SELP: variants seen among roughly 807,000 people sequenced by gnomAD.
The protein encoded by SELP is P-selectin.
A neutral mutation model predicts 104.1 loss-of-function variants in SELP; 92 were observed. The ratio of observed to expected loss-of-function variants is 0.88; its 90% CI spans 0.75 to 1.05. The LOEUF is 1.05. SELP is among the 50% of genes least tolerant of loss of function. SELP has a pLI of 0.00. For synonymous variants in SELP, 397 were observed against 364.5 expected, an observed-to-expected ratio of 1.09 and a Z score of -1.01; for missense variants, 1,022 against 1,017.3, an observed-to-expected ratio of 1.00 and a Z score of -0.06.
Position 169,629,428 on chromosome 1 carries a change from C to G in SELP, c.3+644G>C, listed in dbSNP as rs566983537. 2.0e-5 allele frequency among the ~76,000 whole-genome samples: 3 copies of G among 152,288 alleles called. No individual in the cohort carries two copies. In the East Asian group the frequency reaches 5.8e-4, roughly 29 times the overall value. On this transcript the variant is annotated intron_variant, in intron 1 of 16. Coordinates refer to ENST00000263686, the MANE Select transcript of SELP (RefSeq NM_003005.4). ...GCTTTTCAGCAAAATCTTATTTAAT[C>G]CTCATGATGAAACTATAGAGTATTA... is the stretch of plus-strand genomic sequence containing the variant.
intron 15 of SELP, 107 bp downstream of exon 15, chr1:169,591,319 A>G: frequency 1.5e-6 from 1 of 663,136 alleles, no homozygotes; most frequent in South Asian, 2.0e-5. Context: ...TGCAAAAGAC[A>G]TTGTAAAAAG....
At chr1:169,618,600 T>C (rs997442693) in intron 2 of SELP, among the ~76,000 whole-genome samples, 1 of 152,226 alleles carries the variant, frequency 6.6e-6, no homozygotes, top group Non-Finnish European at 1.5e-5. Flanking sequence ...CTCTGCTGCC[T>C]GCATGAGGGT....
Position 169,617,368 on chromosome 1 carries a change from G to A in SELP, c.141C>T (p.Ser47=). ...KEVAAWTYHY[S]TKAYSWNISR... is the part of the protein sequence containing the mutation. ...AAATATTCCATGAGTATGCTTTTGTGCTGTAATGATAAGTCCATGCTGCCA... is the reference window on the plus strand; with the variant it reads ...AAATATTCCATGAGTATGCTTTTGTACTGTAATGATAAGTCCATGCTGCCA... The change falls in exon 3 of 17, where the codon AGC becomes AGT. Residue 47 remains serine (S), a synonymous_variant. Transcript: ENST00000263686. 11 of 1,614,058 alleles carry A rather than the reference G, an allele frequency of 6.8e-6. No individual in the cohort carries two copies. The highest frequency in any genetic ancestry group is 1.3e-5 in the African/African-American group (1 of 75,018).
At chr1:169,629,967 T>A (rs1240084390) in intron 1 of SELP, 105 bp downstream of exon 1, 1 of 1,429,924 alleles carries the variant, frequency 7.0e-7, no homozygotes, top group African/African-American at 1.4e-5. Flanking sequence ...TAAAACTCCA[T>A]GGCTATCGCT....
intron 13 of SELP, among the ~76,000 whole-genome samples, chr1:169,594,288 A>G (rs1415539130): frequency 6.6e-6 from 1 of 152,220 alleles, no homozygotes; most frequent in Non-Finnish European, 1.5e-5. Context: ...CCTTGCAAAC[A>G]GATGGAATTT....
intron 1 of SELP, among the ~76,000 whole-genome samples, chr1:169,627,032 G>A (rs1663405322): frequency 6.6e-6 from 1 of 151,948 alleles, no homozygotes; most frequent in Non-Finnish European, 1.5e-5. Context: ...CACTGCAAAA[G>A]AAGAGGCTAT....
rs187981961 is a variant in SELP, at chr1:169,619,341, T to C, written c.4-122A>G. ...GTGCCAATTTCCACTGGAAGAGTGG[T>C]TCAAGCCCTCTGCTTCCTTCTTGCT... is the stretch of plus-strand genomic sequence containing the variant. On this transcript the variant is annotated intron_variant, in intron 1 of 16. Transcript: ENST00000263686. The C allele has an allele frequency of 2.7e-5, 19 of 709,590 alleles. No homozygotes were observed. The Admixed American group carries it at 4.7e-4, about 18-fold the overall frequency. 44.0% of individuals were successfully genotyped at this position (709,590 alleles called of 1,614,324 possible). A position where few individuals can be genotyped will look rare whatever the true frequency, so the allele number is the denominator to read the frequency against.
chr1:169,597,076 A>G lies in SELP; in HGVS notation c.1806T>C (p.Cys602=), dbSNP rs1661662368. 1.9e-6 allele frequency: 3 copies of G among 1,613,360 alleles called. No individual in the cohort carries two copies. Among genetic ancestry groups the G allele is most frequent in the Non-Finnish European group, 2.5e-6 (3 of 1,179,620 alleles). ...GCCCCTCCAGCTTAAAGCCGTTGTCACAAGAGAAATGGCAGGTGGAGCCAA... is the reference window on the plus strand; with the variant it reads ...GCCCCTCCAGCTTAAAGCCGTTGTCGCAAGAGAAATGGCAGGTGGAGCCAA... The part of the protein sequence containing the change: ...FNVGSTCHFS[C]DNGFKLEGPN... Residue 602 remains cysteine, a synonymous_variant, in exon 11 of 17, where the codon TGT becomes TGC. Transcript: ENST00000263686.
intron 1 of SELP, among the ~76,000 whole-genome samples, chr1:169,619,838 G>A (rs1430931104): frequency 6.6e-6 from 1 of 151,956 alleles, no homozygotes; most frequent in Admixed American, 6.6e-5. Context: ...GTTCCCCTTG[G>A]ATCTATAGCA....
chr1:169,601,410 C>T (rs1474694965), intron 10 of SELP, among the ~76,000 whole-genome samples: 2 of 152,182 alleles, frequency 1.3e-5, no homozygotes, highest in Non-Finnish European at 2.9e-5. Flanking sequence ...CCTAATGGCA[C>T]ATGACTTGGA....
rs1054206106 is a variant in SELP at position 169,590,311 on chromosome 1, T to C, written c.2439-109A>G. 6 of 798,502 alleles carry C rather than the reference T, an allele frequency of 7.5e-6. No homozygotes were observed. In the Admixed American group the frequency reaches 1.3e-4, roughly 18 times the overall value. 49.5% of individuals were successfully genotyped at this position (798,502 alleles called of 1,614,324 possible). A position where few individuals can be genotyped will look rare whatever the true frequency, so the allele number is the denominator to read the frequency against. ...CACAAATTACCATCCACCCTTGGAA[T>C]TCTGCTTTAGAAAGGAAAGAAAAAT... On this transcript the variant is annotated intron_variant, in intron 15 of 16. Coordinates refer to ENST00000263686, the MANE Select transcript of SELP (RefSeq NM_003005.4).
rs1038451887 is a variant in SELP, at chr1:169,588,869, T to A, written c.*594A>T. 1 of 152,234 alleles carries A rather than the reference T, an allele frequency of 6.6e-6. No homozygotes were observed. The highest frequency in any genetic ancestry group is 3.2e-3 in the Middle Eastern group (1 of 316). 9.4% of individuals were successfully genotyped at this position (152,234 alleles called of 1,614,324 possible). ...CGGCATTTGGGGAAAATTCTTTTAA[T>A]TACGCATTTGAATATTGGTCTTTGG... On this transcript the variant is annotated 3_prime_UTR_variant, in exon 17 of 17. Transcript: ENST00000263686.
At chr1:169,605,046 T>C (rs1425498422) in intron 9 of SELP, among the ~76,000 whole-genome samples, 1 of 152,172 alleles carries the variant, frequency 6.6e-6, no homozygotes, top group East Asian at 1.9e-4. Flanking sequence ...AACTGGAAGG[T>C]CACAGGAAGC....
chr1:169,620,795 T>TG (rs1663061658), intron 1 of SELP, among the ~76,000 whole-genome samples: 1 of 110,832 alleles, frequency 9.0e-6, no homozygotes, highest in African/African-American at 3.7e-5. Flanking sequence ...CGGTGTGGGG[T>TG]TGTGTGTGTG....
chr1:169,624,275 A>G (rs1045324264), intron 1 of SELP, among the ~76,000 whole-genome samples: 10 of 152,160 alleles, frequency 6.6e-5, no homozygotes, highest in African/African-American at 2.4e-4. Context: ...CAAGTTAAAT[A>G]CTAAAACAAG....
At chr1:169,610,913 A>T (rs1263466103) in intron 7 of SELP, among the ~76,000 whole-genome samples, 1 of 152,224 alleles carries the variant, frequency 6.6e-6, no homozygotes, top group East Asian at 1.9e-4. Flanking sequence ...CTAAAGTCTC[A>T]TAGCTAGATA....
At position 169,597,194 on chromosome 1, in the gene SELP, G is replaced by A. The variant is rs1191970448; in HGVS notation, c.1706-18C>T. 1 of 1,558,268 alleles carries A rather than the reference G, an allele frequency of 6.4e-7. No individual in the cohort carries two copies. The highest frequency in any genetic ancestry group is 1.9e-5 in the Admixed American group (1 of 53,376). On this transcript the variant is annotated intron_variant, in intron 10 of 16. Transcript: ENST00000263686. ...CTTGATGGCTAGAGTATCAAATTAA[G>A]AGTGTCACAATCTCCAAGTTTATTC...
At chr1:169,606,542 C>A (rs1662206734) in intron 9 of SELP, among the ~76,000 whole-genome samples, 1 of 151,642 alleles carries the variant, frequency 6.6e-6, no homozygotes, top group African/African-American at 2.4e-5. Context: ...ACCATTATAC[C>A]CTGTGGTTCC....
At chr1:169,597,308 C>T (rs899068070) in intron 10 of SELP, 132 bp from the exon 11 acceptor site, 1 of 726,974 alleles carries the variant, frequency 1.4e-6, no homozygotes, top group African/African-American at 1.9e-5. Flanking sequence ...TGCTAGGCAG[C>T]AGCATTCCAC....
Sources: allele counts gnomAD v4.1 joint callset (sites outside exome capture counted in the v4.1 genomes callset), GRCh38; gene constraint gnomAD v4.1.1; transcripts MANE v1.5; gene names NCBI Gene and HGNC (gene_info 2026-07-23, HGNC 2026-07-21).